ALG13: variants seen among roughly 807,000 people sequenced by gnomAD.
ALG13 encodes UDP-N-acetylglucosamine transferase subunit ALG13.
ALG13 carries 11 observed loss-of-function variants against 87.8 expected under a neutral mutation model. That is an observed-to-expected ratio of 0.13 (90% CI 0.08 to 0.21). ALG13 has a LOEUF of 0.21. Ranked by LOEUF, ALG13 falls within the 10% of genes least tolerant of loss-of-function variation. The probability of loss-of-function intolerance (pLI) is 1.00; values close to 1 mark genes in which losing one functional copy is unlikely to be tolerated. For synonymous variants in ALG13, 320 were observed against 306.3 expected, an observed-to-expected ratio of 1.04 and a Z score of -0.47; for missense variants, 756 against 866.1, an observed-to-expected ratio of 0.87 and a Z score of 1.60.
chrX:111,704,802 A>G (rs1938465125), intron 3 of ALG13, among the ~76,000 whole-genome samples: 1 of 112,039 alleles, frequency 8.9e-6, no homozygotes, highest in African/African-American at 3.2e-5. Context: ...ATTGAATTGT[A>G]TACTTTAAGT....
intron 3 of ALG13, chrX:111,688,725 C>T: frequency 1.3e-6 from 1 of 743,915 alleles, no homozygotes; most frequent in African/African-American, 2.3e-5. Context: ...TTAACTGTAA[C>T]AGAAATTTAC....
At chrX:111,718,824 G>A (rs976073564) in intron 10 of ALG13, among the ~76,000 whole-genome samples, 21 of 111,711 alleles carry the variant, frequency 1.9e-4, no homozygotes, top group African/African-American at 6.5e-4. Flanking sequence ...TGCACTGTGA[G>A]TGTGCCTCTG....
At chrX:111,684,841 T>C in intron 2 of ALG13, 124 bp from the exon 3 acceptor site, 1 of 609,462 alleles carries the variant, frequency 1.6e-6, no homozygotes, top group Non-Finnish European at 2.6e-6. Flanking sequence ...AATGTATAAT[T>C]GAAAGACCTA....
Position 111,756,259 on chromosome X carries a change from C to T in ALG13, c.2974-1329C>T, listed in dbSNP as rs750447519. On this transcript the variant is annotated intron_variant, in intron 25 of 26. Coordinates refer to ENST00000394780, the MANE Select transcript of ALG13 (RefSeq NM_001099922.3). ...GTGAACATCACACATTGGGGCCTGTCGCGGGGTTGGGGGCAAAGGGAGGGA... is the reference window on the plus strand; with the variant it reads ...GTGAACATCACACATTGGGGCCTGTTGCGGGGTTGGGGGCAAAGGGAGGGA... Among the ~76,000 whole-genome samples, 223 of 110,572 alleles carry T rather than the reference C, an allele frequency of 2.0e-3. 1 individual carries two copies. Among genetic ancestry groups the T allele is most frequent in the Non-Finnish European group, 3.4e-3 (180 of 52,931 alleles).
chrX:111,693,164 C>CTT (rs61239915), intron 3 of ALG13, among the ~76,000 whole-genome samples: 59 of 55,081 alleles, frequency 1.1e-3, no homozygotes, highest in Non-Finnish European at 1.2e-3. Context: ...GTTTTTAATT[C>CTT]TTTTTTTTTT....
At chrX:111,733,927 AT>A (rs940518803) in intron 21 of ALG13, among the ~76,000 whole-genome samples, 14 of 111,590 alleles carry the variant, frequency 1.3e-4, no homozygotes, top group African/African-American at 4.6e-4. Flanking sequence ...ATTTTTTCTT[AT>A]GTTTGTTGAC....
In ALG13 at chrX:111,708,240, C is replaced by G; in HGVS notation, c.597C>G (p.Pro199=). The G allele has an allele frequency of 8.3e-7, 1 of 1,211,664 alleles. No homozygotes were observed. The highest frequency in any genetic ancestry group is 1.1e-6 in the Non-Finnish European group (1 of 895,425). ...CHAFFPLPLT[P]TLYKMHKGWK... Reference sequence around the variant, plus strand: ...CTTTTTTTCCTCTCCCTCTTACCCCCACCCTGTACAAAATGCATAAAGGAT... The same window carrying G: ...CTTTTTTTCCTCTCCCTCTTACCCCGACCCTGTACAAAATGCATAAAGGAT... The change falls in exon 4 of 27, where the codon CCC becomes CCG. Residue 199 remains proline (P), a synonymous_variant. Transcript: ENST00000394780.
intron 2 of ALG13, among the ~76,000 whole-genome samples, chrX:111,684,386 A>G (rs1467417453): frequency 1.8e-5 from 2 of 110,267 alleles, no homozygotes; most frequent in African/African-American, 3.3e-5. Flanking sequence ...CAGTGGTGCA[A>G]TCATAGCTCA....
chrX:111,688,911 G>C (rs1024917946), intron 3 of ALG13: 1 of 749,471 alleles, frequency 1.3e-6, no homozygotes, highest in African/African-American at 2.3e-5. Flanking sequence ...AGTGTCCATA[G>C]CTCTCTGGTA....
intron 26 of ALG13, among the ~76,000 whole-genome samples, chrX:111,759,214 TG>T (rs1422411752): frequency 9.2e-6 from 1 of 108,114 alleles, no homozygotes; most frequent in African/African-American, 3.4e-5. Flanking sequence ...TTATTTCTAC[TG>T]GAACTGACTC....
At chrX:111,690,538 T>A in intron 3 of ALG13, 1 of 266,686 alleles carries the variant, frequency 3.7e-6, no homozygotes, top group East Asian at 2.3e-4. Flanking sequence ...CTGGAACATT[T>A]AAAAGTAGTC....
At chrX:111,724,192 T>A (rs781260878) in intron 14 of ALG13, among the ~76,000 whole-genome samples, 9 of 112,250 alleles carry the variant, frequency 8.0e-5, no homozygotes, top group Non-Finnish European at 1.5e-4. Flanking sequence ...GTTGAATTAA[T>A]AACTGAGCCT....
intron 25 of ALG13, among the ~76,000 whole-genome samples, chrX:111,755,466 A>T (rs1001368830): frequency 8.9e-6 from 1 of 112,500 alleles, no homozygotes; most frequent in Non-Finnish European, 1.9e-5. Flanking sequence ...GCTTCTGCAC[A>T]GAAAAAGAAC....
intron 8 of ALG13, among the ~76,000 whole-genome samples, chrX:111,714,457 A>G (rs1312283206): frequency 9.1e-6 from 1 of 110,483 alleles, no homozygotes; most frequent in Non-Finnish European, 1.9e-5. Context: ...AGGAAACACT[A>G]TATACAGAGG....
At chrX:111,693,118 G>T (rs1936407868) in intron 3 of ALG13, among the ~76,000 whole-genome samples, 1 of 108,887 alleles carries the variant, frequency 9.2e-6, no homozygotes, top group African/African-American at 3.4e-5. Flanking sequence ...GTGGCTAATG[G>T]CTAATTCCCT....
intron 4 of ALG13, 70 bp downstream of exon 4, chrX:111,708,463 G>A: frequency 8.9e-7 from 1 of 1,121,657 alleles, no homozygotes; most frequent in Non-Finnish European, 1.2e-6. Context: ...CCTGTAGTTT[G>A]CCAGAAGAAA....
rs748252585 is a variant in ALG13 at position 111,690,385 on chromosome X, C to G, written c.383+5282C>G. 65 of 751,095 alleles carry G rather than the reference C, an allele frequency of 8.7e-5. 1 individual carries two copies. Among genetic ancestry groups the G allele is most frequent in the Middle Eastern group, 7.6e-4 (1 of 1,320 alleles). 61.9% of individuals were successfully genotyped at this position (751,095 alleles called of 1,213,427 possible). On this transcript the variant is annotated intron_variant, in intron 3 of 26. Coordinates refer to ENST00000394780, the MANE Select transcript of ALG13 (RefSeq NM_001099922.3). The stretch of plus-strand genomic sequence containing the variant: ...AGGTAGACAGTTAATAGAACATTTA[C>G]GGGTTGGAGTAGATGAAAAGAGATG...
chrX:111,745,344 A>AT (rs1435248141), intron 24 of ALG13, among the ~76,000 whole-genome samples: 1 of 110,577 alleles, frequency 9.0e-6, no homozygotes, highest in Non-Finnish European at 1.9e-5. Context: ...GGGAGTGGGG[A>AT]TTAGGAGTCT....
intron 23 of ALG13, 71 bp from the exon 24 acceptor site, chrX:111,744,597 A>C: frequency 9.2e-7 from 1 of 1,081,904 alleles, no homozygotes; most frequent in East Asian, 3.3e-5. Context: ...AGACAAGAAA[A>C]GTAGATGAGC....
Sources: allele counts gnomAD v4.1 joint callset (sites outside exome capture counted in the v4.1 genomes callset), GRCh38; gene constraint gnomAD v4.1.1; transcripts MANE v1.5; gene names NCBI Gene and HGNC (gene_info 2026-07-23, HGNC 2026-07-21).